Variants in CTNNA2 observed in about 807,000 individuals in gnomAD.
The protein encoded by CTNNA2 is catenin alpha-2.
In CTNNA2, 42 loss-of-function variants were observed where a neutral mutation model predicts 101.0. That is an observed-to-expected ratio of 0.42 (90% CI 0.32 to 0.54). The LOEUF (loss-of-function observed/expected upper bound fraction) is 0.54, where lower values mean the gene tolerates loss of function less well. CTNNA2 is among the 20% of genes least tolerant of loss of function. CTNNA2 has a pLI of 0.14. For missense variants in CTNNA2, 871 were observed against 1,223.1 expected (o/e 0.71, Z 4.29); for synonymous variants, 450 against 456.4 (o/e 0.99, Z 0.18).
chr2:79,907,880 T>A (rs182952462), intron 6 of CTNNA2, among the ~76,000 whole-genome samples: 143 of 152,324 alleles, frequency 9.4e-4, no homozygotes, highest in Non-Finnish European at 6.5e-4. Flanking sequence ...GTATACCTGT[T>A]CCTTTCTAAG....
At chr2:80,262,223 A>G (rs1233424040) in intron 7 of CTNNA2, among the ~76,000 whole-genome samples, 1 of 152,070 alleles carries the variant, frequency 6.6e-6, no homozygotes, top group Non-Finnish European at 1.5e-5. Context: ...ATAGCTGGAG[A>G]TCATATTGCT....
chr2:79,276,969 C>A (rs1036206222), intron 2 of CTNNA2, among the ~76,000 whole-genome samples: 2 of 152,126 alleles, frequency 1.3e-5, no homozygotes, highest in African/African-American at 4.8e-5. Flanking sequence ...CAAACATGTG[C>A]ACACACACAT....
chr2:79,911,613 G>A (rs1046211930), intron 7 of CTNNA2, among the ~76,000 whole-genome samples: 1 of 152,066 alleles, frequency 6.6e-6, no homozygotes, highest in Non-Finnish European at 1.5e-5. Flanking sequence ...TTTTCTGTTC[G>A]CAGCCTCGTG....
chr2:79,470,555 C>T (rs754148252), intron 4 of CTNNA2, among the ~76,000 whole-genome samples: 1 of 152,122 alleles, frequency 6.6e-6, no homozygotes, highest in Non-Finnish European at 1.5e-5. Context: ...TAGGAAATGT[C>T]CATCTTGAGC....
intron 7 of CTNNA2, among the ~76,000 whole-genome samples, chr2:80,210,796 C>T (rs1187368471): frequency 6.6e-6 from 1 of 152,206 alleles, no homozygotes; most frequent in East Asian, 1.9e-4. Context: ...GCCACAGTGT[C>T]TTCCACAATG....
intron 7 of CTNNA2, among the ~76,000 whole-genome samples, chr2:80,101,507 G>GA (rs1472381197): frequency 2.0e-5 from 3 of 152,140 alleles, no homozygotes; most frequent in African/African-American, 7.2e-5. Flanking sequence ...AACCTGAAGT[G>GA]AATACATTTG....
chr2:79,888,722 C>T (rs983766990), intron 6 of CTNNA2, among the ~76,000 whole-genome samples: 1 of 152,020 alleles, frequency 6.6e-6, no homozygotes, highest in Non-Finnish European at 1.5e-5. Context: ...CTGTTTTCTT[C>T]CTAGTGTGAC....
intron 4 of CTNNA2, among the ~76,000 whole-genome samples, chr2:79,863,150 C>CA (rs869162701): frequency 2.0e-5 from 2 of 98,860 alleles, no homozygotes; most frequent in Non-Finnish European, 4.2e-5. Context: ...AAACAAACAA[C>CA]AAAAAAAAGT....
At chr2:79,432,612 G>C (rs764137678) in intron 4 of CTNNA2, among the ~76,000 whole-genome samples, 1 of 152,192 alleles carries the variant, frequency 6.6e-6, no homozygotes, top group Non-Finnish European at 1.5e-5. Context: ...TGATCAGTGA[G>C]ATACCACAAG....
intron 1 of CTNNA2, among the ~76,000 whole-genome samples, chr2:79,189,387 A>G (rs1329206976): frequency 3.3e-5 from 5 of 151,774 alleles, no homozygotes; most frequent in Admixed American, 2.0e-4. Flanking sequence ...TTTCTACTTC[A>G]TTGATGTCTG....
chr2:80,406,648 A>T (rs1048925170), intron 8 of CTNNA2, among the ~76,000 whole-genome samples: 12 of 151,948 alleles, frequency 7.9e-5, no homozygotes, highest in African/African-American at 2.9e-4. Context: ...AACGCGGTGA[A>T]ACCCTGTCTC....
intron 3 of CTNNA2, among the ~76,000 whole-genome samples, chr2:79,775,818 C>G (rs760041065): frequency 7.2e-5 from 11 of 152,188 alleles, no homozygotes; most frequent in Non-Finnish European, 1.3e-4. Flanking sequence ...CTAAATAGCA[C>G]TCTTCAGTGG....
intron 6 of CTNNA2, among the ~76,000 whole-genome samples, chr2:79,901,971 A>G (rs1032759066): frequency 1.2e-4 from 18 of 152,230 alleles, no homozygotes; most frequent in African/African-American, 3.4e-4. Flanking sequence ...CAATATTTGT[A>G]TTTACCTTCT....
intron 7 of CTNNA2, among the ~76,000 whole-genome samples, chr2:80,279,918 G>C (rs1185956263): frequency 6.6e-6 from 1 of 151,912 alleles, no homozygotes; most frequent in East Asian, 2.0e-4. Context: ...GGAATAGGAA[G>C]AACAGCATTA....
chr2:79,600,666 T>C (rs1201289476), intron 1 of CTNNA2, among the ~76,000 whole-genome samples: 3 of 152,224 alleles, frequency 2.0e-5, no homozygotes, highest in African/African-American at 7.2e-5. Context: ...AAAATATATA[T>C]GTATGTGTCT....
chr2:80,062,996 C>T (rs200234844), intron 7 of CTNNA2, among the ~76,000 whole-genome samples: 2 of 152,242 alleles, frequency 1.3e-5, no homozygotes, highest in East Asian at 1.9e-4. Flanking sequence ...TGAGCCACCG[C>T]GCCCGGCCAA....
At chr2:79,353,214 G>A (rs1677431775) in intron 3 of CTNNA2, among the ~76,000 whole-genome samples, 1 of 152,156 alleles carries the variant, frequency 6.6e-6, no homozygotes, top group Admixed American at 6.5e-5. Flanking sequence ...TACATTTGAA[G>A]AATTTTTTAG....
Position 79,307,467 on chromosome 2 carries a change from C to T in CTNNA2, c.-405-5242C>T, listed in dbSNP as rs149617375. ...TTTAGCTTCCACATATGAGTGAGAACATGTGGTGTTTAACTTTCTGTTCCT... is the reference window on the plus strand; with the variant it reads ...TTTAGCTTCCACATATGAGTGAGAATATGTGGTGTTTAACTTTCTGTTCCT... On this transcript the variant is annotated intron_variant, in intron 2 of 21. Coordinates refer to the CTNNA2 transcript ENST00000466387. Among the ~76,000 whole-genome samples, 491 of 152,286 alleles carry T rather than the reference C, an allele frequency of 3.2e-3. 2 individuals carry two copies. Among genetic ancestry groups the T allele is most frequent in the African/African-American group, 0.011 (461 of 41,542 alleles).
At chr2:79,568,533 G>C (rs1052626017) in intron 1 of CTNNA2, among the ~76,000 whole-genome samples, 6 of 152,066 alleles carry the variant, frequency 3.9e-5, no homozygotes, top group Non-Finnish European at 8.8e-5. Flanking sequence ...GGGAAGCAGA[G>C]GTTGCAGTGA....
Sources: allele counts gnomAD v4.1 joint callset (sites outside exome capture counted in the v4.1 genomes callset), GRCh38; gene constraint gnomAD v4.1.1; transcripts MANE v1.5; gene names NCBI Gene and HGNC (gene_info 2026-07-23, HGNC 2026-07-21).